The following ZNF793 variants were observed in gnomAD, a reference collection of about 807,000 sequenced individuals.
ZNF793 encodes the protein zinc finger protein 793.
A neutral mutation model predicts 12.4 loss-of-function variants in ZNF793; 5 were observed. That is an observed-to-expected ratio of 0.40 (90% CI 0.21 to 0.84). The LOEUF (loss-of-function observed/expected upper bound fraction) is 0.84, where lower values mean the gene tolerates loss of function less well. Among genes scored for constraint, ZNF793 ranks in the 40% least tolerant of loss-of-function variants. The pLI is 0.35. For synonymous variants in ZNF793, 162 were observed against 172.4 expected (o/e 0.94, Z 0.47); for missense variants, 456 against 495.0 (o/e 0.92, Z 0.75).
Position 37,537,995 on chromosome 19 carries a change from T to C in ZNF793, c.*116T>C. The C allele has an allele frequency of 1.6e-6, 2 of 1,279,200 alleles. No individual in the cohort carries two copies. The highest frequency in any genetic ancestry group is 2.6e-5 in the East Asian group (1 of 38,764). The allele number at this position is 1,279,200 out of a possible 1,614,324, so 79.2% of individuals were successfully genotyped here. ...GGCGCGATCTCGGCTTACTGCAAGC[T>C]CTGCCTCCCGGGTTCACGCCATTCT... On this transcript the variant is annotated 3_prime_UTR_variant, in exon 8 of 8. Transcript: ENST00000627814.
chr19:37,518,186 C>T (rs916832662), intron 2 of ZNF793, among the ~76,000 whole-genome samples: 7 of 151,976 alleles, frequency 4.6e-5, no homozygotes, highest in African/African-American at 7.3e-5. Flanking sequence ...AGTGCAGTGG[C>T]GCAATCTCGG....
intron 2 of ZNF793, among the ~76,000 whole-genome samples, chr19:37,512,035 G>A (rs2042298018): frequency 6.6e-6 from 1 of 152,058 alleles, no homozygotes; most frequent in Non-Finnish European, 1.5e-5. Flanking sequence ...GTCTGCCTTA[G>A]GGATTCTGGA....
rs2042390490 is a variant in ZNF793, at chr19:37,523,468, T to G, written c.15+14T>G. 6.2e-7 allele frequency: 1 copy of G among 1,613,086 alleles called. No individual in the cohort carries two copies. On this transcript the variant is annotated intron_variant, in intron 5 of 7. Coordinates refer to ENST00000627814, the MANE Select transcript of ZNF793 (RefSeq NM_001013659.3). ...ATCGAATACCAGGTAAGTATCACAT[T>G]AAGTAGCCCAGTTTTCCTTCCTGGG...
At position 37,537,497 on chromosome 19, in the gene ZNF793, TAAG is replaced by T. The variant is rs1211058674; in HGVS notation, c.841_843del (p.Arg281del). 6.2e-7 allele frequency: 1 copy of T among 1,613,886 alleles called. No homozygotes were observed. The highest frequency in any genetic ancestry group is 1.1e-5 in the South Asian group (1 of 91,062). ...AAACACCAGAGAATTCACACTGGGG[TAAG>T]ACCCTTTGAATGTTTTTTTTGTGGG... On this transcript the variant is annotated inframe_deletion, in exon 8 of 8. Coordinates refer to ENST00000627814, the MANE Select transcript of ZNF793 (RefSeq NM_001013659.3).
chr19:37,540,919 T>G lies in ZNF793; in HGVS notation c.*3040T>G, dbSNP rs2042547952. 1.3e-5 allele frequency: 2 copies of G among 151,898 alleles called. No individual in the cohort carries two copies. Among genetic ancestry groups the G allele is most frequent in the Admixed American group, 1.3e-4 (2 of 15,236 alleles). 9.4% of individuals were successfully genotyped at this position (151,898 alleles called of 1,614,324 possible). On this transcript the variant is annotated 3_prime_UTR_variant, in exon 8 of 8. Transcript: ENST00000627814. ...TATATGAAAAAAATCATACCATGTA[T>G]AAAAACATCACATGTACCCAATAAA...
intron 6 of ZNF793, among the ~76,000 whole-genome samples, chr19:37,532,831 T>TA (rs974572838): frequency 8.6e-5 from 13 of 150,670 alleles, no homozygotes; most frequent in African/African-American, 3.2e-4. Context: ...AAATAAAAAA[T>TA]AAAAAAAAAG....
intron 1 of ZNF793, 135 bp from the exon 2 acceptor site, chr19:37,508,130 A>G (rs1351564207): frequency 2.6e-5 from 4 of 152,262 alleles, no homozygotes; most frequent in African/African-American, 9.6e-5. Flanking sequence ...CACCCTTTTT[A>G]TTGTTCTCTA....
rs1175534888 is a variant in ZNF793, at chr19:37,532,462, A to G, written c.122A>G (p.Tyr41Cys). 6 of 1,609,836 alleles carry G rather than the reference A, an allele frequency of 3.7e-6. No individual in the cohort carries two copies. Among genetic ancestry groups the G allele is most frequent in the Admixed American group, 1.7e-5 (1 of 59,080 alleles). Residue 41 changes from tyrosine (Y) to cysteine (C), a missense_variant, in exon 6 of 8, where the codon TAT (tyrosine) becomes TGT (cysteine). Physicochemically the swap from Tyr to Cys is radical, Grantham distance 194. Coordinates refer to ENST00000627814, the MANE Select transcript of ZNF793 (RefSeq NM_001013659.3). ...ALYRDVMLET[Y>C]SNLVSVGYEG... ...TACCGGGATGTGATGCTGGAAACCT[A>G]TAGCAACCTCGTCTCAGTGGGTAAG...
chr19:37,532,515 T>C, intron 6 of ZNF793, 33 bp downstream of exon 6: 1 of 1,533,122 alleles, frequency 6.5e-7, no homozygotes, highest in East Asian at 2.4e-5. Context: ...ATGCAGATTA[T>C]GTTCGAATGA....
At chr19:37,514,752 A>G (rs556754105) in intron 2 of ZNF793, among the ~76,000 whole-genome samples, 2 of 152,290 alleles carry the variant, frequency 1.3e-5, no homozygotes, top group East Asian at 3.9e-4. Context: ...CCTTCTTATG[A>G]ATGTACATGT....
intron 5 of ZNF793, among the ~76,000 whole-genome samples, chr19:37,530,685 T>C (rs2042452826): frequency 6.6e-6 from 1 of 152,198 alleles, no homozygotes; most frequent in South Asian, 2.1e-4. Context: ...AGAATTTTTC[T>C]TAGTACAGAA....
rs1156346703 is a variant in ZNF793, at chr19:37,510,042, A to G, written c.-276+1639A>G. Among the ~76,000 whole-genome samples, 5 of 152,148 alleles carry G rather than the reference A, an allele frequency of 3.3e-5. No individual in the cohort carries two copies. The East Asian group carries it at 9.6e-4, about 29-fold the overall frequency. On this transcript the variant is annotated intron_variant, in intron 2 of 7. Coordinates refer to ENST00000627814, the MANE Select transcript of ZNF793 (RefSeq NM_001013659.3). The stretch of plus-strand genomic sequence containing the variant: ...GAATTGAGATAATTTCATTTATATA[A>G]CAGATACTTTTCCAGGTCATTAAAT...
chr19:37,507,716 T>C (rs2147048041), intron 1 of ZNF793, among the ~76,000 whole-genome samples: 1 of 152,294 alleles, frequency 6.6e-6, no homozygotes, highest in East Asian at 1.9e-4. Context: ...GAATCAACAA[T>C]TGATCCTCAG....
rs977916929 is a variant in ZNF793 at position 37,539,333 on chromosome 19, C to T, written c.*1454C>T. 12 of 152,174 alleles carry T rather than the reference C, an allele frequency of 7.9e-5. 1 individual carries two copies. The highest frequency in any genetic ancestry group is 2.4e-4 in the African/African-American group (10 of 41,446). 9.4% of individuals were successfully genotyped at this position (152,174 alleles called of 1,614,324 possible). A position where few individuals can be genotyped will look rare whatever the true frequency, so the allele number is the denominator to read the frequency against. On this transcript the variant is annotated 3_prime_UTR_variant, in exon 8 of 8. Coordinates refer to ENST00000627814, the MANE Select transcript of ZNF793 (RefSeq NM_001013659.3). ...TATTCTAGATACACTATTCTATATACAGGTTGTATAACTCAGAAATGTTTC... is the reference window on the plus strand; with the variant it reads ...TATTCTAGATACACTATTCTATATATAGGTTGTATAACTCAGAAATGTTTC...
intron 5 of ZNF793, among the ~76,000 whole-genome samples, chr19:37,529,886 A>T (rs2147095843): frequency 6.6e-6 from 1 of 152,242 alleles, no homozygotes; most frequent in Non-Finnish European, 1.5e-5. Flanking sequence ...AGAAAAATAC[A>T]CAAAGTATAG....
At position 37,533,588 on chromosome 19, in the gene ZNF793, C is replaced by G. The variant is rs748472871; in HGVS notation, c.238+185C>G. The G allele has an allele frequency of 9.7e-5, 57 of 589,186 alleles. No homozygotes were observed. The Middle Eastern group carries it at 1.2e-3, about 12-fold the overall frequency. 36.5% of individuals were successfully genotyped at this position (589,186 alleles called of 1,614,324 possible). On this transcript the variant is annotated intron_variant, in intron 7 of 7. Coordinates refer to ENST00000627814, the MANE Select transcript of ZNF793 (RefSeq NM_001013659.3). ...TGTTTTTCTCGGCTCTACTTGATTG[C>G]ACCTCTGCCCTTATGTGCTTGGTCC...
chr19:37,533,603 G>A lies in ZNF793; in HGVS notation c.238+200G>A, dbSNP rs2042480185. 3 of 554,496 alleles carry A rather than the reference G, an allele frequency of 5.4e-6. No homozygotes were observed. In the South Asian group the frequency reaches 7.1e-5, roughly 13 times the overall value. The allele number at this position is 554,496 out of a possible 1,614,324, so 34.3% of individuals were successfully genotyped here. ...TACTTGATTGCACCTCTGCCCTTAT[G>A]TGCTTGGTCCATCTCTCTTTCTCCA... On this transcript the variant is annotated intron_variant, in intron 7 of 7. Transcript: ENST00000627814.
chr19:37,510,926 T>G (rs1329460915), intron 2 of ZNF793, among the ~76,000 whole-genome samples: 1 of 151,904 alleles, frequency 6.6e-6, no homozygotes, highest in Non-Finnish European at 1.5e-5. Context: ...CTCAATCTCC[T>G]GACCTCGTGA....
rs1373059109 is a variant in ZNF793, at chr19:37,537,298, T to C, written c.640T>C (p.Leu214=). 1.9e-6 allele frequency: 3 copies of C among 1,613,828 alleles called. No homozygotes were observed. The highest frequency in any genetic ancestry group is 2.2e-5 in the South Asian group (2 of 91,070). Residue 214 remains leucine (L), a synonymous_variant, in exon 8 of 8, where the codon TTG becomes CTG. Coordinates refer to ENST00000627814, the MANE Select transcript of ZNF793 (RefSeq NM_001013659.3). ...TAAACCAGCAGTAAGTGATTCTCTC[T>C]TGTACAAACGGAAGAGGGTTCCACC... ...MYKPAVSDSL[L]YKRKRVPPTE... is the part of the protein sequence containing the mutation.
Sources: gnomAD v4.1 joint callset for allele counts (sites outside exome capture counted in the v4.1 genomes callset) on GRCh38, gnomAD v4.1.1 for gene constraint, MANE v1.5 for transcripts, NCBI Gene and HGNC (gene_info 2026-07-23, HGNC 2026-07-21) for gene names.